ROBO2: variants seen among roughly 807,000 people sequenced by gnomAD.
The protein encoded by ROBO2 is roundabout homolog 2.
A neutral mutation model predicts 160.8 loss-of-function variants in ROBO2; 53 were observed. That is an observed-to-expected ratio of 0.33 (90% confidence interval 0.26 to 0.41). The LOEUF (loss-of-function observed/expected upper bound fraction) is 0.41, where lower values mean the gene tolerates loss of function less well. Among genes scored for constraint, ROBO2 ranks in the 10% least tolerant of loss-of-function variants. The pLI, the probability that ROBO2 is intolerant of heterozygous loss-of-function variation, is 1.00. For missense variants in ROBO2, 1,577 were observed against 1,722.4 expected, an observed-to-expected ratio of 0.92 and a Z score of 1.49; for synonymous variants, 664 against 611.7, an observed-to-expected ratio of 1.09 and a Z score of -1.26.
intron 2 of ROBO2, among the ~76,000 whole-genome samples, chr3:76,118,460 C>T (rs1375886169): frequency 6.6e-6 from 1 of 152,134 alleles, no homozygotes; most frequent in Non-Finnish European, 1.5e-5. Context: ...AGGTCATGTA[C>T]TGTTTCTCCA....
At chr3:76,257,354 T>C (rs910870594) in intron 2 of ROBO2, among the ~76,000 whole-genome samples, 2 of 152,184 alleles carry the variant, frequency 1.3e-5, no homozygotes, top group African/African-American at 4.8e-5. Flanking sequence ...TGTATTCTTA[T>C]GATGGTCATT....
chr3:76,519,830 C>T (rs2081511564), intron 2 of ROBO2, among the ~76,000 whole-genome samples: 1 of 152,164 alleles, frequency 6.6e-6, no homozygotes, highest in South Asian at 2.1e-4. Context: ...TGATCTGAAT[C>T]AGTCTCTCCC....
chr3:77,094,135 C>A (rs186524519), intron 1 of ROBO2, among the ~76,000 whole-genome samples: 22 of 152,192 alleles, frequency 1.4e-4, no homozygotes, highest in Admixed American at 1.4e-3. Flanking sequence ...CAGCACTTGC[C>A]CAGACCCCCT....
chr3:76,186,654 C>A (rs956508015), intron 2 of ROBO2, among the ~76,000 whole-genome samples: 3 of 151,986 alleles, frequency 2.0e-5, no homozygotes, highest in African/African-American at 7.2e-5. Context: ...AAGAAATATC[C>A]TCTAGTATAT....
chr3:77,044,291 A>G (rs1009847550), intron 1 of ROBO2, among the ~76,000 whole-genome samples: 3 of 152,198 alleles, frequency 2.0e-5, no homozygotes, highest in African/African-American at 4.8e-5. Context: ...ATAAGTTGGG[A>G]TACATACATA....
chr3:76,839,281 GT>G (rs1321497839), intron 2 of ROBO2, among the ~76,000 whole-genome samples: 1 of 152,188 alleles, frequency 6.6e-6, no homozygotes, highest in Non-Finnish European at 1.5e-5. Context: ...TTGACATTCA[GT>G]GAAATAAAAG....
At chr3:76,335,964 T>G (rs1290638535) in intron 2 of ROBO2, among the ~76,000 whole-genome samples, 1 of 152,176 alleles carries the variant, frequency 6.6e-6, no homozygotes, top group Admixed American at 6.5e-5. Context: ...AATACTCAGA[T>G]AGCTTACCAT....
intron 2 of ROBO2, among the ~76,000 whole-genome samples, chr3:76,440,182 G>T (rs2076860858): frequency 6.6e-6 from 1 of 152,026 alleles, no homozygotes; most frequent in African/African-American, 2.4e-5. Context: ...AGCAAGACCT[G>T]GGGTCCAGAT....
At chr3:77,015,537 T>G (rs1169225528) in intron 2 of ROBO2, among the ~76,000 whole-genome samples, 2 of 152,208 alleles carry the variant, frequency 1.3e-5, no homozygotes, top group African/African-American at 4.8e-5. Flanking sequence ...GATTCTAGGA[T>G]GACATTTAAC....
At chr3:77,576,043 T>C (rs2093754483) in intron 14 of ROBO2, among the ~76,000 whole-genome samples, 1 of 152,106 alleles carries the variant, frequency 6.6e-6, no homozygotes. Flanking sequence ...ATAATTGACC[T>C]GTCAGGAAGC....
chr3:76,144,203 G>GCA (rs761025935), intron 2 of ROBO2, among the ~76,000 whole-genome samples: 1 of 151,774 alleles, frequency 6.6e-6, no homozygotes, highest in Non-Finnish European at 1.5e-5. Flanking sequence ...ATACACTCAT[G>GCA]CACACACACA....
intron 2 of ROBO2, among the ~76,000 whole-genome samples, chr3:76,298,792 T>C (rs1709213214): frequency 6.6e-6 from 1 of 152,222 alleles, no homozygotes; most frequent in Non-Finnish European, 1.5e-5. Flanking sequence ...ATGTCTATCA[T>C]GCAAATTCTC....
chr3:76,881,297 A>G (rs2148746573), intron 2 of ROBO2, among the ~76,000 whole-genome samples: 1 of 152,306 alleles, frequency 6.6e-6, no homozygotes, highest in South Asian at 2.1e-4. Flanking sequence ...ATTAAAATCA[A>G]AGAAGGTAAA....
chr3:76,392,693 C>T (rs2077215116), intron 2 of ROBO2, among the ~76,000 whole-genome samples: 1 of 152,028 alleles, frequency 6.6e-6, no homozygotes, highest in Non-Finnish European at 1.5e-5. Context: ...GAATAATAGT[C>T]ATTTTTTGTT....
chr3:76,735,776 G>A (rs373490620), intron 2 of ROBO2, among the ~76,000 whole-genome samples: 476 of 16,774 alleles, frequency 0.028, 21 homozygotes, highest in Middle Eastern at 0.075. Flanking sequence ...AAAAAAAAAA[G>A]AAAAAAAAAA....
At chr3:77,583,165 A>AG in intron 16 of ROBO2, among the ~76,000 whole-genome samples, 1 of 151,602 alleles carries the variant, frequency 6.6e-6, no homozygotes, top group African/African-American at 2.4e-5. Context: ...AAAAAAAAAA[A>AG]AAAAAAAAAG....
At chr3:77,366,621 A>T (rs961020158) in intron 2 of ROBO2, among the ~76,000 whole-genome samples, 3 of 152,170 alleles carry the variant, frequency 2.0e-5, no homozygotes, top group East Asian at 1.9e-4. Flanking sequence ...AAATAAAAAA[A>T]TTTGATTTGG....
chr3:76,458,526 G>T (rs1370847268), intron 2 of ROBO2, among the ~76,000 whole-genome samples: 1 of 152,120 alleles, frequency 6.6e-6, no homozygotes, highest in Non-Finnish European at 1.5e-5. Flanking sequence ...CCTGCAAACT[G>T]TTCCAACCTC....
At chr3:76,057,509 A>G (rs1350140703) in intron 2 of ROBO2, among the ~76,000 whole-genome samples, 4 of 152,156 alleles carry the variant, frequency 2.6e-5, no homozygotes, top group African/African-American at 9.7e-5. Context: ...TTGGGTCACA[A>G]AAAGGGGTTG....
Sources: gnomAD v4.1 joint callset for allele counts (sites outside exome capture counted in the v4.1 genomes callset) on GRCh38, gnomAD v4.1.1 for gene constraint, MANE v1.5 for transcripts, NCBI Gene and HGNC (gene_info 2026-07-23, HGNC 2026-07-21) for gene names.